Variants in KCNIP4 observed in about 807,000 individuals in gnomAD.
KCNIP4 encodes the protein potassium voltage-gated channel interacting protein 4, also known as Kv channel-interacting protein 4.
A neutral mutation model predicts 34.0 loss-of-function variants in KCNIP4; 12 were observed. The observed-to-expected ratio is 0.35, with a 90% CI of 0.23 to 0.57. The LOEUF is 0.57. Among genes scored for constraint, KCNIP4 ranks in the 20% least tolerant of loss-of-function variants. The pLI, the probability that KCNIP4 is intolerant of heterozygous loss-of-function variation, is 0.83. For missense variants in KCNIP4, 238 were observed against 311.7 expected (o/e 0.76, Z 1.78); for synonymous variants, 124 against 102.2 (o/e 1.21, Z -1.29).
chr4:21,109,248 C>G (rs573320215), intron 1 of KCNIP4, among the ~76,000 whole-genome samples: 4,646 of 152,248 alleles, frequency 0.031, 86 homozygotes, highest in Non-Finnish European at 0.05. Context: ...CTGTGGTGGG[C>G]TCCACCCAGT....
chr4:20,987,472 T>C (rs187975829), intron 1 of KCNIP4, among the ~76,000 whole-genome samples: 130 of 152,272 alleles, frequency 8.5e-4, no homozygotes, highest in Middle Eastern at 3.4e-3. Context: ...CCAGGCACCA[T>C]ACTATGTAGT....
chr4:21,608,467 G>A (rs965846455), intron 1 of KCNIP4, among the ~76,000 whole-genome samples: 14 of 152,122 alleles, frequency 9.2e-5, no homozygotes, highest in African/African-American at 3.4e-4. Context: ...TCCTTGGCTT[G>A]TGTCTCCTTC....
At chr4:21,344,033 T>C (rs1196496154) in intron 1 of KCNIP4, among the ~76,000 whole-genome samples, 1 of 152,146 alleles carries the variant, frequency 6.6e-6, no homozygotes, top group East Asian at 1.9e-4. Flanking sequence ...CATAGGAGTA[T>C]GACTGTCTAG....
chr4:21,769,408 T>C (rs774748569), intron 1 of KCNIP4, among the ~76,000 whole-genome samples: 3 of 152,166 alleles, frequency 2.0e-5, no homozygotes, highest in Non-Finnish European at 4.4e-5. Context: ...ATATATTATT[T>C]GATTTCATTT....
chr4:21,546,356 A>G (rs1267696027), intron 1 of KCNIP4, among the ~76,000 whole-genome samples: 1 of 152,104 alleles, frequency 6.6e-6, no homozygotes, highest in African/African-American at 2.4e-5. Flanking sequence ...AACTAAGGAA[A>G]AGCAAAAAGT....
At chr4:21,833,435 G>T (rs1173081414) in intron 1 of KCNIP4, among the ~76,000 whole-genome samples, 1 of 151,926 alleles carries the variant, frequency 6.6e-6, no homozygotes, top group Admixed American at 6.6e-5. Context: ...TTTTGATGGG[G>T]TTGTTTGTTT....
intron 1 of KCNIP4, among the ~76,000 whole-genome samples, chr4:21,460,775 T>C (rs1729399402): frequency 6.6e-6 from 1 of 152,046 alleles, no homozygotes; most frequent in African/African-American, 2.4e-5. Flanking sequence ...GAGAATGTCA[T>C]GTATGCATCT....
chr4:21,016,983 T>C (rs1739600837), intron 1 of KCNIP4, among the ~76,000 whole-genome samples: 1 of 152,184 alleles, frequency 6.6e-6, no homozygotes, highest in African/African-American at 2.4e-5. Flanking sequence ...CTTTTTTCTT[T>C]TCCTTTTGCC....
intron 3 of KCNIP4, among the ~76,000 whole-genome samples, chr4:20,769,439 A>C (rs3857162): frequency 0.54 from 82,189 of 151,862 alleles, 22,601 homozygotes; most frequent in East Asian, 0.71. Context: ...AACTTTATCC[A>C]GAAGACAGTG....
intron 1 of KCNIP4, among the ~76,000 whole-genome samples, chr4:21,837,606 A>G (rs950583095): frequency 1.7e-4 from 26 of 151,942 alleles, no homozygotes; most frequent in African/African-American, 5.8e-4. Flanking sequence ...GAAAAGAAAA[A>G]AAATTGACAA....
At chr4:21,830,901 G>T (rs360689) in intron 1 of KCNIP4, among the ~76,000 whole-genome samples, 13 of 152,258 alleles carry the variant, frequency 8.5e-5, no homozygotes, top group African/African-American at 2.6e-4. Flanking sequence ...CAGATCATAT[G>T]TTACGTCCCA....
In KCNIP4 at chr4:20,937,456, G is replaced by A. The variant is rs1033928768; in HGVS notation, c.62-54747C>T. On this transcript the variant is annotated intron_variant, in intron 1 of 8. Transcript: ENST00000382152. ...TCACCATGTTAGCCAGGATGGTCTC[G>A]ATCTCCTGACCTAGTGATCCACCCG... Among the ~76,000 whole-genome samples, 11 of 150,504 alleles carry A rather than the reference G, an allele frequency of 7.3e-5. No individual in the cohort carries two copies. The East Asian group carries it at 1.6e-3, about 22-fold the overall frequency.
chr4:21,238,607 A>C (rs1759555072), intron 1 of KCNIP4, among the ~76,000 whole-genome samples: 1 of 152,212 alleles, frequency 6.6e-6, no homozygotes. Flanking sequence ...GAGCCAAATC[A>C]TGAGTGAACT....
chr4:21,276,617 C>G (rs1447957167), intron 1 of KCNIP4, among the ~76,000 whole-genome samples: 1 of 152,012 alleles, frequency 6.6e-6, no homozygotes, highest in African/African-American at 2.4e-5. Context: ...TGTGTCTTAC[C>G]TATTTTGTTT....
chr4:21,498,208 G>A (rs1367887146), intron 1 of KCNIP4, among the ~76,000 whole-genome samples: 6 of 152,134 alleles, frequency 3.9e-5, no homozygotes, highest in African/African-American at 9.6e-5. Flanking sequence ...AAACTAATAC[G>A]AAAGAATATC....
intron 1 of KCNIP4, among the ~76,000 whole-genome samples, chr4:21,387,376 C>T (rs550296826): frequency 3.3e-5 from 5 of 152,208 alleles, no homozygotes; most frequent in African/African-American, 9.6e-5. Context: ...ATATTTTACA[C>T]CAGATTTCAG....
rs1410255899 is a variant in KCNIP4 at position 21,585,270 on chromosome 4, C to T, written c.61+363301G>A. ...AGAGCTTATGCTGCATGCCCACTTCCCAAGTCGGTAGAGACCTGGCCTGGT... is the reference window on the plus strand; with the variant it reads ...AGAGCTTATGCTGCATGCCCACTTCTCAAGTCGGTAGAGACCTGGCCTGGT... On this transcript the variant is annotated intron_variant, in intron 1 of 8. Transcript: ENST00000382152. Among the ~76,000 whole-genome samples the T allele has an allele frequency of 2.0e-5, 3 of 151,942 alleles. No individual in the cohort carries two copies. In the East Asian group the frequency reaches 5.8e-4, roughly 29 times the overall value.
intron 1 of KCNIP4, among the ~76,000 whole-genome samples, chr4:21,272,218 C>T (rs1762194789): frequency 6.6e-6 from 1 of 152,120 alleles, no homozygotes; most frequent in African/African-American, 2.4e-5. Context: ...AATAGCAGTA[C>T]CGACCCCATA....
intron 1 of KCNIP4, among the ~76,000 whole-genome samples, chr4:21,660,232 T>C (rs1467672081): frequency 1.3e-5 from 2 of 152,186 alleles, no homozygotes; most frequent in African/African-American, 4.8e-5. Flanking sequence ...TTCCCTTACT[T>C]AGACTATAAT....
Sources: gnomAD v4.1 joint callset for allele counts (sites outside exome capture counted in the v4.1 genomes callset) on GRCh38, gnomAD v4.1.1 for gene constraint, MANE v1.5 for transcripts, NCBI Gene and HGNC (gene_info 2026-07-23, HGNC 2026-07-21) for gene names.